The following IRF4 variants were observed in gnomAD, a reference collection of about 807,000 sequenced individuals.
The protein encoded by IRF4 is interferon regulatory factor 4.
IRF4 carries 13 observed loss-of-function variants against 55.5 expected under a neutral mutation model. That is an observed-to-expected ratio of 0.23 (90% CI 0.15 to 0.37). The LOEUF (loss-of-function observed/expected upper bound fraction) is 0.37. Ranked by LOEUF, IRF4 falls within the 10% of genes least tolerant of loss-of-function variation. The probability of loss-of-function intolerance (pLI) is 1.00; values close to 1 mark genes in which losing one functional copy is unlikely to be tolerated. For missense variants in IRF4, 397 were observed against 593.8 expected (o/e 0.67, Z 3.44); for synonymous variants, 249 against 240.7 (o/e 1.03, Z -0.32).
chr6:392,849 G>T (rs1247843542), intron 1 of IRF4, among the ~76,000 whole-genome samples: 1 of 152,198 alleles, frequency 6.6e-6, no homozygotes, highest in Non-Finnish European at 1.5e-5. Context: ...TGCGTTACAG[G>T]AGAGCAGGCG....
chr6:394,854 G>A lies in IRF4; in HGVS notation c.250G>A (p.Gly84Ser). 1 of 1,614,218 alleles carries A rather than the reference G, an allele frequency of 6.2e-7. No homozygotes were observed. The highest frequency in any genetic ancestry group is 8.5e-7 in the Non-Finnish European group (1 of 1,180,026). Residue 84 changes from glycine to serine, a missense_variant, in exon 3 of 9, where the codon GGC becomes AGC. Around this residue, in one of 3 missense-constraint regions of IRF4, gnomAD observed 341 missense variants for 548.1 expected, o/e 0.62. Coordinates refer to ENST00000380956, the MANE Select transcript of IRF4 (RefSeq NM_002460.4). ...WALFKGKFREGIDKPDPPTWK... is the reference protein window; with the variant it reads ...WALFKGKFRESIDKPDPPTWK... Reference sequence around the variant, plus strand: ...ACTGTTTAAAGGAAAGTTCCGAGAAGGCATCGACAAGCCGGACCCTCCCAC... The same window carrying A: ...ACTGTTTAAAGGAAAGTTCCGAGAAAGCATCGACAAGCCGGACCCTCCCAC...
Position 405,040 on chromosome 6 carries a change from C to T in IRF4, c.1122C>T (p.His374=), listed in dbSNP as rs760994228. Reference sequence around the variant, plus strand: ...CAGAGCTGCAAGCGTTTGCTCACCACGGCCGCTCCCTGCCAAGATTCCAGG... The same window carrying T: ...CAGAGCTGCAAGCGTTTGCTCACCATGGCCGCTCCCTGCCAAGATTCCAGG... ...FLSELQAFAH[H]GRSLPRFQVT... Residue 374 remains histidine (H), a synonymous_variant, in exon 8 of 9, where the codon CAC becomes CAT. Coordinates refer to ENST00000380956, the MANE Select transcript of IRF4 (RefSeq NM_002460.4). 2.4e-5 allele frequency: 38 copies of T among 1,613,636 alleles called. 1 individual carries two copies. Among genetic ancestry groups the T allele is most frequent in the South Asian group, 1.1e-4 (10 of 91,056 alleles).
chr6:401,794 T>C lies in IRF4; in HGVS notation c.1099+17T>C. 2 of 1,607,232 alleles carry C rather than the reference T, an allele frequency of 1.2e-6. No individual in the cohort carries two copies. Among genetic ancestry groups the C allele is most frequent in the South Asian group, 1.1e-5 (1 of 90,820 alleles). On this transcript the variant is annotated intron_variant, in intron 7 of 8. Transcript: ENST00000380956. ...TCTTGTCAGGTAAGGCACCTCGTTA[T>C]CTGTTAGAATGGAGGTGGTGATGGC...
chr6:407,595 A>G lies in IRF4; in HGVS notation c.1353A>G (p.Glu451=), dbSNP rs1761579734. 1 of 1,594,726 alleles carries G rather than the reference A, an allele frequency of 6.3e-7. No homozygotes were observed. The highest frequency in any genetic ancestry group is 8.5e-7 in the Non-Finnish European group (1 of 1,173,934). Reference sequence around the variant, plus strand: ...CTATCCGCCATTCCTCTATTCAAGAATGAAAAATGTCAAGATGAGTGGTTT... The same window carrying G: ...CTATCCGCCATTCCTCTATTCAAGAGTGAAAAATGTCAAGATGAGTGGTTT... ...HRSIRHSSIQ[E] Residue 451 remains glutamate, a synonymous_variant, in exon 9 of 9, where the codon GAA becomes GAG. Coordinates refer to ENST00000380956, the MANE Select transcript of IRF4 (RefSeq NM_002460.4).
In IRF4 at chr6:410,299, A is replaced by T. The variant is rs1761665453; in HGVS notation, c.*2701A>T. ...ATTTTGTATATTTAGGAAAACCTCA[A>T]GCAGTAATTAATATCTCCTGGAACA... On this transcript the variant is annotated 3_prime_UTR_variant, in exon 9 of 9. Coordinates refer to ENST00000380956, the MANE Select transcript of IRF4 (RefSeq NM_002460.4). 4.4e-6 allele frequency: 1 copy of T among 227,234 alleles called. No individual in the cohort carries two copies. The highest frequency in any genetic ancestry group is 2.2e-5 in the African/African-American group (1 of 45,044). The allele number at this position is 227,234 out of a possible 1,614,324, so 14.1% of individuals were successfully genotyped here. A position where few individuals can be genotyped will look rare whatever the true frequency, so the allele number is the denominator to read the frequency against.
intron 7 of IRF4, among the ~76,000 whole-genome samples, chr6:402,823 G>C (rs1761439850): frequency 6.6e-6 from 1 of 152,208 alleles, no homozygotes; most frequent in South Asian, 2.1e-4. Context: ...CTTGAGGCCA[G>C]GAGTTCAAGA....
Position 408,027 on chromosome 6 carries a change from T to C in IRF4, c.*429T>C. On this transcript the variant is annotated 3_prime_UTR_variant, in exon 9 of 9. Transcript: ENST00000380956. ...CTTGTGTTCTGTAGACTGCCATCAT[T>C]GATGATCACTGTGAAAATTGACCAA... 1 of 265,444 alleles carries C rather than the reference T, an allele frequency of 3.8e-6. No homozygotes were observed. The highest frequency in any genetic ancestry group is 7.2e-6 in the Non-Finnish European group (1 of 139,632). 16.4% of individuals were successfully genotyped at this position (265,444 alleles called of 1,614,324 possible).
At chr6:395,050 A>G (rs1184014961) in intron 3 of IRF4, 43 bp downstream of exon 3, 4 of 1,440,972 alleles carry the variant, frequency 2.8e-6, no homozygotes, top group Non-Finnish European at 3.8e-6. Flanking sequence ...AGAGGCAGCC[A>G]GATCCTTGAG....
intron 5 of IRF4, 35 bp from the exon 6 acceptor site, chr6:398,793 T>G: frequency 6.5e-7 from 1 of 1,530,996 alleles, no homozygotes; most frequent in Non-Finnish European, 9.0e-7. Flanking sequence ...GGACTCTCTG[T>G]CTAGACATCA....
chr6:404,183 A>G (rs1761481786), intron 7 of IRF4, among the ~76,000 whole-genome samples: 1 of 152,148 alleles, frequency 6.6e-6, no homozygotes. Context: ...CGGGCGTGAC[A>G]TTTTATTGTA....
At position 391,804 on chromosome 6, in the gene IRF4, G is replaced by A. The variant is rs1343287913; in HGVS notation, c.-61G>A. ...CCGCTGCCCTCAGCTCCGAGTCCAG[G>A]GCGAGGTAAGGGCTGGAGTCGGGCA... is the stretch of plus-strand genomic sequence containing the variant. On this transcript the variant is annotated 5_prime_UTR_variant, in exon 1 of 9. Coordinates refer to ENST00000380956, the MANE Select transcript of IRF4 (RefSeq NM_002460.4). 4.4e-6 allele frequency: 2 copies of A among 456,186 alleles called. No individual in the cohort carries two copies. Among genetic ancestry groups the A allele is most frequent in the Admixed American group, 2.3e-5 (1 of 42,584 alleles). The allele number at this position is 456,186 out of a possible 1,614,324, so 28.3% of individuals were successfully genotyped here. A position where few individuals can be genotyped will look rare whatever the true frequency, so the allele number is the denominator to read the frequency against.
chr6:401,700 C>T lies in IRF4; in HGVS notation c.1022C>T (p.Ala341Val), dbSNP rs200311468. 1,099 of 1,614,074 alleles carry T rather than the reference C, an allele frequency of 6.8e-4. 1 individual carries two copies. Among genetic ancestry groups the T allele is most frequent in the Non-Finnish European group, 8.8e-4 (1,042 of 1,180,040 alleles). ...QSRIYWDGPL[A>V]LCNDRPNKLE... ...AGGATCTACTGGGACGGGCCCCTGGCGCTGTGCAACGACCGGCCCAACAAA... is the reference window on the plus strand; with the variant it reads ...AGGATCTACTGGGACGGGCCCCTGGTGCTGTGCAACGACCGGCCCAACAAA... Residue 341 changes from alanine (A) to valine (V), a missense_variant, in exon 7 of 9, where the codon GCG becomes GTG. Physicochemically the swap from Ala to Val is moderately conservative, Grantham distance 64 (BLOSUM62 0). Coordinates refer to ENST00000380956, the MANE Select transcript of IRF4 (RefSeq NM_002460.4).
Position 399,011 on chromosome 6 carries a change from T to A in IRF4, c.745+76T>A, listed in dbSNP as rs1315598839. On this transcript the variant is annotated intron_variant, in intron 6 of 8. Transcript: ENST00000380956. ...GCCAGCTCTGTCATCTTTGGGCAGA[T>A]TCGATGGGACTTTAGACACTTGCTT... is the stretch of plus-strand genomic sequence containing the variant. 4 of 995,670 alleles carry A rather than the reference T, an allele frequency of 4.0e-6. No individual in the cohort carries two copies. The African/African-American group carries it at 6.5e-5, about 16-fold the overall frequency. The allele number at this position is 995,670 out of a possible 1,614,324, so 61.7% of individuals were successfully genotyped here.
Position 393,129 on chromosome 6 carries a change from G to T in IRF4, c.-24G>T. On this transcript the variant is annotated 5_prime_UTR_variant, in exon 2 of 9. Coordinates refer to ENST00000380956, the MANE Select transcript of IRF4 (RefSeq NM_002460.4). The surrounding 1 kb of genome is among the most constrained non-coding windows in gnomAD (Gnocchi z 5.4). Reference sequence around the variant, plus strand: ...GCAGAGCGGGCGGAGGACCCCGGGCGCGGGCGCGGACGGCACGCGGGGCAT... The same window carrying T: ...GCAGAGCGGGCGGAGGACCCCGGGCTCGGGCGCGGACGGCACGCGGGGCAT... The T allele has an allele frequency of 3.2e-6, 5 of 1,543,902 alleles. No homozygotes were observed. Among genetic ancestry groups the T allele is most frequent in the Non-Finnish European group, 4.4e-6 (5 of 1,143,210 alleles).
intron 6 of IRF4, among the ~76,000 whole-genome samples, chr6:399,348 T>G (rs1198161423): frequency 7.2e-5 from 11 of 152,136 alleles, no homozygotes; most frequent in Non-Finnish European, 1.5e-4. Context: ...CACAAATAAG[T>G]CCTCCTCCTC....
intron 7 of IRF4, among the ~76,000 whole-genome samples, chr6:404,305 A>C (rs971961533): frequency 6.6e-6 from 1 of 152,194 alleles, no homozygotes; most frequent in Non-Finnish European, 1.5e-5. Flanking sequence ...TCTTTTGGGT[A>C]GGTGTGGTGG....
intron 1 of IRF4, among the ~76,000 whole-genome samples, chr6:392,486 G>T (rs1761131878): frequency 6.6e-6 from 1 of 152,200 alleles, no homozygotes; most frequent in Admixed American, 6.5e-5. Context: ...CAGCCCCCGC[G>T]TCTGCGCCAC....
Position 401,288 on chromosome 6 carries a change from C to T in IRF4, c.746-136C>T, listed in dbSNP as rs184416103. 58 of 651,016 alleles carry T rather than the reference C, an allele frequency of 8.9e-5. No homozygotes were observed. The Admixed American group carries it at 1.2e-3, about 14-fold the overall frequency. The allele number at this position is 651,016 out of a possible 1,614,324, so 40.3% of individuals were successfully genotyped here. A position where few individuals can be genotyped will look rare whatever the true frequency, so the allele number is the denominator to read the frequency against. On this transcript the variant is annotated intron_variant, in intron 6 of 8. Transcript: ENST00000380956. ...CGCTGTGTTTCCCAGGCCTCCTTGA[C>T]GCGGGAACCTTTTGTTCCCCCACGG... is the stretch of plus-strand genomic sequence containing the variant.
intron 2 of IRF4, 125 bp from the exon 3 acceptor site, chr6:394,696 G>T: frequency 2.3e-6 from 2 of 863,208 alleles, no homozygotes; most frequent in Non-Finnish European, 1.8e-6. Context: ...TCGATGCTGC[G>T]GTGAGCTATC....
Sources: gnomAD v4.1 joint callset for allele counts (sites outside exome capture counted in the v4.1 genomes callset) on GRCh38, gnomAD v4.1.1 for gene constraint, gnomAD v4.1.1 regional missense constraint, Gnocchi (gnomAD v3.1) non-coding constraint, MANE v1.5 for transcripts, NCBI Gene and HGNC (gene_info 2026-07-23, HGNC 2026-07-21) for gene names.